The following DNAH11 variants were observed in gnomAD, a reference collection of about 807,000 sequenced individuals.
The protein encoded by DNAH11 is dynein axonemal heavy chain 11, also known as axonemal beta dynein heavy chain 11.
DNAH11 carries 442 observed loss-of-function variants against 526.0 expected under a neutral mutation model. The observed-to-expected ratio is 0.84, with a 90% CI of 0.78 to 0.91. DNAH11 has a LOEUF of 0.91. Ranked by LOEUF, DNAH11 falls within the 40% of genes least tolerant of loss-of-function variation. The pLI, the probability that DNAH11 is intolerant of heterozygous loss-of-function variation, is 0.00. For missense variants in DNAH11, 6,989 were observed against 5,448.7 expected (o/e 1.28, Z -8.90); for synonymous variants, 2,461 against 1,935.9 (o/e 1.27, Z -7.12).
intron 61 of DNAH11, among the ~76,000 whole-genome samples, chr7:21,789,763 C>CTCTCTCTT (rs1788356388): frequency 2.7e-5 from 2 of 72,998 alleles, no homozygotes; most frequent in African/African-American, 8.7e-5. Flanking sequence ...ATTTCTTTCT[C>CTCTCTCTT]TCTTTCTTTC....
At chr7:21,618,484 G>C (rs1785887625) in intron 23 of DNAH11, 4 of 152,762 alleles carry the variant, frequency 2.6e-5, no homozygotes, top group African/African-American at 9.7e-5. Flanking sequence ...GTATGTCGAA[G>C]AGCTGAGGAT....
At chr7:21,572,177 A>T (rs557784761) in intron 8 of DNAH11, among the ~76,000 whole-genome samples, 1 of 152,206 alleles carries the variant, frequency 6.6e-6, no homozygotes, top group Admixed American at 6.6e-5. Flanking sequence ...TCAGTTCAGA[A>T]TGACGGCTGA....
intron 61 of DNAH11, among the ~76,000 whole-genome samples, chr7:21,797,240 A>G (rs1438198805): frequency 6.6e-6 from 1 of 151,138 alleles, no homozygotes; most frequent in Admixed American, 6.6e-5. Context: ...TCCTTTTGAG[A>G]CAGAGTTTTG....
At chr7:21,625,953 G>A (rs1191762719) in intron 25 of DNAH11, among the ~76,000 whole-genome samples, 2 of 152,130 alleles carry the variant, frequency 1.3e-5, no homozygotes, top group Non-Finnish European at 2.9e-5. Flanking sequence ...ATGCGTAAGA[G>A]ATGTACATAA....
chr7:21,635,808 C>A, intron 25 of DNAH11, 63 bp from the exon 26 acceptor site: 1 of 1,337,900 alleles, frequency 7.5e-7, no homozygotes, highest in Non-Finnish European at 1.0e-6. Flanking sequence ...ATAGTGCCTC[C>A]CTCATAGCAC....
chr7:21,737,931 T>C (rs902445217), intron 46 of DNAH11, among the ~76,000 whole-genome samples: 9 of 152,222 alleles, frequency 5.9e-5, no homozygotes, highest in Non-Finnish European at 1.0e-4. Flanking sequence ...AAAAGGTGTT[T>C]ATTTATTTAT....
At chr7:21,898,467 C>T (rs2128051201) in intron 79 of DNAH11, among the ~76,000 whole-genome samples, 1 of 152,312 alleles carries the variant, frequency 6.6e-6, no homozygotes, top group South Asian at 2.1e-4. Flanking sequence ...CCCCCACTTC[C>T]TTTGCATATC....
Position 21,708,440 on chromosome 7 carries a change from C to A in DNAH11, c.6683+605C>A, listed in dbSNP as rs143505128. On this transcript the variant is annotated intron_variant, in intron 40 of 81. Transcript: ENST00000409508. Reference sequence around the variant, plus strand: ...ATGCCACGTTAGTTGAAGCTGCCATCATGTCTCGCCTGTACTACAGCAGCG... The same window carrying A: ...ATGCCACGTTAGTTGAAGCTGCCATAATGTCTCGCCTGTACTACAGCAGCG... 7.6e-3 allele frequency among the ~76,000 whole-genome samples: 1,154 copies of A among 152,308 alleles called. 12 individuals are homozygous for A. Among genetic ancestry groups the A allele is most frequent in the Non-Finnish European group, 0.011 (758 of 68,026 alleles).
chr7:21,673,346 G>A (rs1027843245), intron 30 of DNAH11, among the ~76,000 whole-genome samples: 1 of 152,160 alleles, frequency 6.6e-6, no homozygotes, highest in South Asian at 2.1e-4. Flanking sequence ...AATACTAATC[G>A]TGCCTACTTC....
chr7:21,799,658 T>G (rs1232718934), intron 61 of DNAH11, among the ~76,000 whole-genome samples: 1 of 152,172 alleles, frequency 6.6e-6, no homozygotes, highest in East Asian at 1.9e-4. Flanking sequence ...TATTTCTAAC[T>G]GGTGATGTAT....
In DNAH11 at chr7:21,867,794, C is replaced by G. The variant is rs541951096; in HGVS notation, c.11691-65C>G. 40 of 1,487,290 alleles carry G rather than the reference C, an allele frequency of 2.7e-5. No homozygotes were observed. In the South Asian group the frequency reaches 3.5e-4, roughly 13 times the overall value. 92.1% of individuals were successfully genotyped at this position (1,487,290 alleles called of 1,614,324 possible). On this transcript the variant is annotated intron_variant, in intron 71 of 81. Transcript: ENST00000409508. ...GTGTGCCTGTGTGGTTTAAGCTTAT[C>G]CAAATGGTGACTCTTTTCAAGGTCA...
At position 21,589,352 on chromosome 7, in the gene DNAH11, G is replaced by A; in HGVS notation, c.2118G>A (p.Leu706=). The A allele has an allele frequency of 1.2e-6, 2 of 1,608,818 alleles. No individual in the cohort carries two copies. The highest frequency in any genetic ancestry group is 2.3e-5 in the East Asian group (1 of 44,408). The change falls in exon 12 of 82, where the codon TTG becomes TTA. Residue 706 remains leucine, a synonymous_variant. Coordinates refer to ENST00000409508, the MANE Select transcript of DNAH11 (RefSeq NM_001277115.2). The part of the protein sequence containing the change: ...EICEFNLNQP[L]VKFSAINGLL... ...GTGAATTCAATTTGAATCAACCCTT[G>A]GTTAAATTCAGTGCCATAAATGGTC...
chr7:21,738,950 G>T, intron 47 of DNAH11, 84 bp downstream of exon 47: 1 of 1,149,014 alleles, frequency 8.7e-7, no homozygotes. Context: ...TAATTATTAT[G>T]AATAATTATT....
intron 66 of DNAH11, among the ~76,000 whole-genome samples, chr7:21,844,565 T>A (rs1782342290): frequency 6.6e-6 from 1 of 152,226 alleles, no homozygotes; most frequent in Non-Finnish European, 1.5e-5. Context: ...ATTTATTATC[T>A]GGCCCTTTCC....
At chr7:21,867,356 CTACTT>C (rs1385511993) in intron 71 of DNAH11, among the ~76,000 whole-genome samples, 5 of 152,342 alleles carry the variant, frequency 3.3e-5, no homozygotes, top group African/African-American at 7.2e-5. Flanking sequence ...CTGCTGAACT[CTACTT>C]TACAAGTTAA....
At chr7:21,874,634 C>A (rs982275440) in intron 74 of DNAH11, among the ~76,000 whole-genome samples, 1 of 152,056 alleles carries the variant, frequency 6.6e-6, no homozygotes, top group African/African-American at 2.4e-5. Flanking sequence ...TGAGCCACTG[C>A]ACCTGGCCAA....
rs556214854 is a variant in DNAH11 at position 21,871,919 on chromosome 7, G to A, written c.11968-1355G>A. Among the ~76,000 whole-genome samples, 211 of 151,734 alleles carry A rather than the reference G, an allele frequency of 1.4e-3. 2 individuals are homozygous for A. Among genetic ancestry groups the A allele is most frequent in the African/African-American group, 2.4e-3 (99 of 41,412 alleles). On this transcript the variant is annotated intron_variant, in intron 73 of 81. Coordinates refer to ENST00000409508, the MANE Select transcript of DNAH11 (RefSeq NM_001277115.2). ...GGGCAGATCATGAGGTCAGGAGATCGAGACCATCCTGGCTAACACAGTGAA... is the reference window on the plus strand; with the variant it reads ...GGGCAGATCATGAGGTCAGGAGATCAAGACCATCCTGGCTAACACAGTGAA...
At chr7:21,633,074 C>A (rs1299439719) in intron 25 of DNAH11, among the ~76,000 whole-genome samples, 1 of 152,160 alleles carries the variant, frequency 6.6e-6, no homozygotes, top group Non-Finnish European at 1.5e-5. Flanking sequence ...CTTTTTAAAA[C>A]CATCAGATCT....
Position 21,861,963 on chromosome 7 carries a change from C to T in DNAH11, c.11313C>T (p.Tyr3771=), listed in dbSNP as rs760594586. Residue 3771 remains tyrosine (Y), a synonymous_variant, in exon 69 of 82, where the codon TAC becomes TAT. Coordinates refer to ENST00000409508, the MANE Select transcript of DNAH11 (RefSeq NM_001277115.2). ...GCATCACCCATGCTGTCTTCCTCTACACCAGCCAGGCGCTGTTTGAGAAGG... is the reference window on the plus strand; with the variant it reads ...GCATCACCCATGCTGTCTTCCTCTATACCAGCCAGGCGCTGTTTGAGAAGG... ...MESITHAVFL[Y]TSQALFEKDK... is the part of the protein sequence containing the mutation. 6 of 1,613,674 alleles carry T rather than the reference C, an allele frequency of 3.7e-6. No homozygotes were observed. In the South Asian group the frequency reaches 4.4e-5, roughly 12 times the overall value.
Sources: gnomAD v4.1 joint callset for allele counts (sites outside exome capture counted in the v4.1 genomes callset) on GRCh38, gnomAD v4.1.1 for gene constraint, MANE v1.5 for transcripts, NCBI Gene and HGNC (gene_info 2026-07-23, HGNC 2026-07-21) for gene names.